EFCAB5: variants seen among roughly 807,000 people sequenced by gnomAD.
The protein encoded by EFCAB5 is EF-hand calcium binding domain 5.
In EFCAB5, 131 loss-of-function variants were observed where a neutral mutation model predicts 167.9. That is an observed-to-expected ratio of 0.78 (90% CI 0.68 to 0.90). The LOEUF (loss-of-function observed/expected upper bound fraction) is 0.90. Among genes scored for constraint, EFCAB5 ranks in the 40% least tolerant of loss-of-function variants. EFCAB5 has a pLI of 0.00. For synonymous variants in EFCAB5, 574 were observed against 602.8 expected, an observed-to-expected ratio of 0.95 and a Z score of 0.70; for missense variants, 1,663 against 1,745.2, an observed-to-expected ratio of 0.95 and a Z score of 0.84.
chr17:29,986,926 C>T (rs913150314), intron 4 of EFCAB5, among the ~76,000 whole-genome samples: 15 of 152,040 alleles, frequency 9.9e-5, no homozygotes, highest in African/African-American at 2.2e-4. Context: ...GGATTACAGG[C>T]GTGAGCCACC....
chr17:29,941,906 G>A lies in EFCAB5; in HGVS notation c.42+68G>A, dbSNP rs143386177. ...GAGATTCAACATTCTTGGGAAAATT[G>A]AGATGCAATATCACAGTCTATCATT... On this transcript the variant is annotated intron_variant, in intron 1 of 22. Coordinates refer to ENST00000394835, the MANE Select transcript of EFCAB5 (RefSeq NM_198529.4). The A allele has an allele frequency of 7.3e-4, 1,009 of 1,389,590 alleles. 6 individuals carry two copies. In the African/African-American group the frequency reaches 0.012, roughly 17 times the overall value. The allele number at this position is 1,389,590 out of a possible 1,614,324, so 86.1% of individuals were successfully genotyped here. A position where few individuals can be genotyped will look rare whatever the true frequency, so the allele number is the denominator to read the frequency against.
chr17:30,040,664 G>A (rs2069745755), intron 8 of EFCAB5, among the ~76,000 whole-genome samples: 2 of 152,192 alleles, frequency 1.3e-5, no homozygotes, highest in South Asian at 4.1e-4. Flanking sequence ...ACTATAAAGT[G>A]AAAGAGGAAG....
chr17:30,076,904 T>A (rs998469183), intron 14 of EFCAB5, among the ~76,000 whole-genome samples: 2 of 152,230 alleles, frequency 1.3e-5, no homozygotes, highest in Non-Finnish European at 2.9e-5. Context: ...TAGAAAGATA[T>A]GTTGAAAAGA....
Position 29,942,270 on chromosome 17 carries a change from TG to T in EFCAB5, c.75del (p.Trp25Ter). On this transcript the variant is annotated frameshift_variant, in exon 2 of 23. Coordinates refer to ENST00000394835, the MANE Select transcript of EFCAB5 (RefSeq NM_198529.4). LOFTEE classifies it high-confidence loss of function. The stretch of plus-strand genomic sequence containing the variant: ...CAGAAAAGAAGACAAAGAGAGGAAA[TG>T]GAACTTAACTGAAGTGAAAGAGCTT... The part of the protein sequence containing the change: ...ENRKEDKERK[W>X]NLTEVKELHE... 6.3e-7 allele frequency: 1 copy of T among 1,591,708 alleles called. No individual in the cohort carries two copies. The highest frequency in any genetic ancestry group is 1.8e-5 in the Admixed American group (1 of 56,622).
chr17:29,982,864 T>C (rs2068206114), intron 4 of EFCAB5, among the ~76,000 whole-genome samples: 1 of 152,232 alleles, frequency 6.6e-6, no homozygotes, highest in Non-Finnish European at 1.5e-5. Flanking sequence ...CTTGAATTGA[T>C]GGATAGAATT....
chr17:30,100,631 G>T (rs1216807455), intron 22 of EFCAB5, among the ~76,000 whole-genome samples: 1 of 152,172 alleles, frequency 6.6e-6, no homozygotes, highest in Non-Finnish European at 1.5e-5. Flanking sequence ...GCTGGGCATG[G>T]TGGCAGGCAC....
chr17:30,024,302 T>C (rs1043137311), intron 7 of EFCAB5, among the ~76,000 whole-genome samples: 2 of 152,158 alleles, frequency 1.3e-5, no homozygotes, highest in African/African-American at 4.8e-5. Context: ...CAGCCCAAAA[T>C]CTCCTTAAGC....
intron 3 of EFCAB5, among the ~76,000 whole-genome samples, chr17:29,965,304 G>T (rs72825859): frequency 6.6e-6 from 1 of 152,132 alleles, no homozygotes; most frequent in Non-Finnish European, 1.5e-5. Flanking sequence ...ATGTAAGAAT[G>T]AGTTGTTTAT....
At chr17:30,041,280 G>A (rs2069766519) in intron 8 of EFCAB5, among the ~76,000 whole-genome samples, 1 of 151,998 alleles carries the variant, frequency 6.6e-6, no homozygotes, top group African/African-American at 2.4e-5. Flanking sequence ...TGATTCATGG[G>A]AGGAGGTCAA....
intron 7 of EFCAB5, among the ~76,000 whole-genome samples, chr17:30,012,512 C>T (rs113814631): frequency 0.017 from 2,607 of 152,274 alleles, 76 homozygotes; most frequent in African/African-American, 0.058. Context: ...CAGGGAAGGG[C>T]CCCCTGTCCA....
At chr17:30,025,978 A>G (rs935995117) in intron 7 of EFCAB5, among the ~76,000 whole-genome samples, 5 of 150,514 alleles carry the variant, frequency 3.3e-5, no homozygotes, top group African/African-American at 1.2e-4. Flanking sequence ...ATGAGAACAC[A>G]TGGACACAGG....
At chr17:30,059,369 G>A (rs1175656379) in intron 13 of EFCAB5, 176 bp from the exon 14 acceptor site, 3 of 517,120 alleles carry the variant, frequency 5.8e-6, no homozygotes, top group Non-Finnish European at 9.0e-6. Context: ...TGAGTGGCTG[G>A]CTTTACAGGG....
rs2071476233 is a variant in EFCAB5, at chr17:30,108,330, T to C, written c.*306T>C. 1 of 195,966 alleles carries C rather than the reference T, an allele frequency of 5.1e-6. No homozygotes were observed. The highest frequency in any genetic ancestry group is 6.3e-5 in the Admixed American group (1 of 15,984). The allele number at this position is 195,966 out of a possible 1,614,324, so 12.1% of individuals were successfully genotyped here. On this transcript the variant is annotated 3_prime_UTR_variant, in exon 23 of 23. Transcript: ENST00000394835. ...TGTTATGGTTGATTGGGTAGTTATTTTTCATTCTTATAAGGTTCAAAGTAA... is the reference window on the plus strand; with the variant it reads ...TGTTATGGTTGATTGGGTAGTTATTCTTCATTCTTATAAGGTTCAAAGTAA...
chr17:30,077,106 A>AGC (rs1245544186), intron 14 of EFCAB5, among the ~76,000 whole-genome samples: 1 of 152,202 alleles, frequency 6.6e-6, no homozygotes, highest in Non-Finnish European at 1.5e-5. Flanking sequence ...GTTAGAGACC[A>AGC]GCCTGGCCAG....
intron 4 of EFCAB5, among the ~76,000 whole-genome samples, chr17:29,972,068 C>T (rs1458021483): frequency 4.0e-5 from 6 of 151,694 alleles, no homozygotes; most frequent in Non-Finnish European, 7.4e-5. Flanking sequence ...AATGGAGTCT[C>T]GCTCTGTCGC....
chr17:29,952,078 A>G (rs2067524302), intron 3 of EFCAB5, among the ~76,000 whole-genome samples: 1 of 152,228 alleles, frequency 6.6e-6, no homozygotes, highest in South Asian at 2.1e-4. Context: ...GGCACCAGCA[A>G]GTTTCATGTC....
At chr17:29,949,055 G>A (rs1053373395) in intron 3 of EFCAB5, among the ~76,000 whole-genome samples, 1 of 152,168 alleles carries the variant, frequency 6.6e-6, no homozygotes, top group Non-Finnish European at 1.5e-5. Flanking sequence ...TAGCCCTGCT[G>A]GGTCAATTTT....
chr17:30,068,309 G>GAA (rs533248029), intron 14 of EFCAB5, among the ~76,000 whole-genome samples: 111 of 121,846 alleles, frequency 9.1e-4, no homozygotes, highest in African/African-American at 3.2e-3. Flanking sequence ...CTCAAAAAAA[G>GAA]AAAAAAAAAA....
chr17:29,956,598 A>G (rs967791903), intron 3 of EFCAB5, among the ~76,000 whole-genome samples: 3 of 152,226 alleles, frequency 2.0e-5, no homozygotes, highest in African/African-American at 7.2e-5. Flanking sequence ...TTCACTATGT[A>G]TGGAGAAACC....
Sources: gnomAD v4.1 joint callset for allele counts (sites outside exome capture counted in the v4.1 genomes callset) on GRCh38, gnomAD v4.1.1 for gene constraint, MANE v1.5 for transcripts, NCBI Gene and HGNC (gene_info 2026-07-23, HGNC 2026-07-21) for gene names.